The following CKAP2 variants were observed in gnomAD, a reference collection of about 807,000 sequenced individuals.
CKAP2 encodes the protein cytoskeleton associated protein 2.
CKAP2 carries 46 observed loss-of-function variants against 58.4 expected under a neutral mutation model. The observed-to-expected ratio is 0.79, with a 90% CI of 0.62 to 1.01. The LOEUF (loss-of-function observed/expected upper bound fraction) is 1.01, where lower values mean the gene tolerates loss of function less well. CKAP2 is among the 50% of genes least tolerant of loss of function. The pLI is 0.00. For missense variants in CKAP2, 809 were observed against 796.4 expected, an observed-to-expected ratio of 1.02 and a Z score of -0.19; for synonymous variants, 293 against 280.9, an observed-to-expected ratio of 1.04 and a Z score of -0.43.
At chr13:52,467,566 G>A (rs1958698358) in intron 6 of CKAP2, among the ~76,000 whole-genome samples, 1 of 152,012 alleles carries the variant, frequency 6.6e-6, no homozygotes, top group South Asian at 2.1e-4. Flanking sequence ...AAAATTAGCT[G>A]GGCATGGTGG....
chr13:52,461,136 C>G lies in CKAP2; in HGVS notation c.310C>G (p.Pro104Ala), dbSNP rs1958567828. 2 of 1,612,722 alleles carry G rather than the reference C, an allele frequency of 1.2e-6. No homozygotes were observed. Among genetic ancestry groups the G allele is most frequent in the Non-Finnish European group, 1.7e-6 (2 of 1,179,632 alleles). ...VVGKHCIPLK[P>A]SNELTNSTVV... ...GGGGAAACATTGTATTCCTTTAAAA[C>G]CTTCAAATGAACTAACCAATTCAAC... The change falls in exon 4 of 9, where the codon CCT becomes GCT. Residue 104 changes from proline (P) to alanine (A), a missense_variant. This residue lies in a region of CKAP2 where 523 missense variants were observed against 492.4 expected (regional missense o/e 1.06). Coordinates refer to ENST00000258607, the MANE Select transcript of CKAP2 (RefSeq NM_018204.5).
chr13:52,455,945 C>G, intron 1 of CKAP2: 1 of 1,137,266 alleles, frequency 8.8e-7, no homozygotes, highest in African/African-American at 1.7e-5. Flanking sequence ...CGCTTGGGGG[C>G]GGGGCTGCAC....
rs764785586 is a variant in CKAP2 at position 52,456,592 on chromosome 13, A to G, written c.140A>G (p.Asn47Ser). Reference sequence around the variant, plus strand: ...ACGCTTTTTGCATACAAGCAGGAAAATGAGATGTTATCCAGGTAAGGTCAA... The same window carrying G: ...ACGCTTTTTGCATACAAGCAGGAAAGTGAGATGTTATCCAGGTAAGGTCAA... Reference protein sequence around the residue: ...RKTLFAYKQENEMLSSRDQRV... With the variant: ...RKTLFAYKQESEMLSSRDQRV... The change falls in exon 2 of 9, where the codon AAT (asparagine) becomes AGT (serine). Residue 47 changes from asparagine (N) to serine (S), a missense_variant. This residue lies in a region of CKAP2 where 523 missense variants were observed against 492.4 expected (regional missense o/e 1.06). Transcript: ENST00000258607. 1 of 1,612,664 alleles carries G rather than the reference A, an allele frequency of 6.2e-7. No homozygotes were observed. The highest frequency in any genetic ancestry group is 1.1e-5 in the South Asian group (1 of 91,018).
At chr13:52,463,593 C>T (rs943497507) in intron 5 of CKAP2, among the ~76,000 whole-genome samples, 7 of 152,134 alleles carry the variant, frequency 4.6e-5, no homozygotes, top group Non-Finnish European at 8.8e-5. Context: ...AACAGCAGCA[C>T]GTTTTCAATC....
intron 8 of CKAP2, 121 bp downstream of exon 8, chr13:52,474,205 T>G: frequency 9.9e-7 from 1 of 1,013,398 alleles, no homozygotes; most frequent in Non-Finnish European, 1.4e-6. Context: ...GAAATTTCAG[T>G]ACGGGCATGG....
At chr13:52,458,330 G>T (rs61959681) in intron 2 of CKAP2, among the ~76,000 whole-genome samples, 5,472 of 152,068 alleles carry the variant, frequency 0.036, 125 homozygotes, top group South Asian at 0.07. Context: ...GAGGGGTTGG[G>T]GCTGGAAGCA....
chr13:52,465,494 A>C, intron 6 of CKAP2, 29 bp downstream of exon 6: 1 of 1,576,866 alleles, frequency 6.3e-7, no homozygotes, highest in Non-Finnish European at 8.7e-7. Flanking sequence ...GATCTTTACA[A>C]TTACAGTGTA....
Position 52,455,486 on chromosome 13 carries a change from C to A in CKAP2, c.-71C>A. The A allele has an allele frequency of 6.4e-7, 1 of 1,572,994 alleles. No individual in the cohort carries two copies. On this transcript the variant is annotated 5_prime_UTR_variant, in exon 1 of 9. Coordinates refer to ENST00000258607, the MANE Select transcript of CKAP2 (RefSeq NM_018204.5). ...GACGGCTTAGCCGCGGTGCAGACTG[C>A]GGCGGCGGTGGTCTGAGGAAGTTCT...
rs1427382776 is a variant in CKAP2, at chr13:52,475,142, G to A, written c.*1G>A. On this transcript the variant is annotated 3_prime_UTR_variant, in exon 9 of 9. Coordinates refer to ENST00000258607, the MANE Select transcript of CKAP2 (RefSeq NM_018204.5). Reference sequence around the variant, plus strand: ...GTACTATGAGGCTGATACAACATAAGAGAAATAAAGCTCTGTTAGGGAATG... The same window carrying A: ...GTACTATGAGGCTGATACAACATAAAAGAAATAAAGCTCTGTTAGGGAATG... 1 of 1,611,518 alleles carries A rather than the reference G, an allele frequency of 6.2e-7. No homozygotes were observed.
intron 6 of CKAP2, among the ~76,000 whole-genome samples, chr13:52,466,053 A>T (rs1287771691): frequency 6.6e-6 from 1 of 151,836 alleles, no homozygotes; most frequent in East Asian, 1.9e-4. Context: ...ACACACACAT[A>T]TATATATAAT....
At position 52,461,072 on chromosome 13, in the gene CKAP2, C is replaced by T; in HGVS notation, c.246C>T (p.Asn82=). 6.3e-7 allele frequency: 1 copy of T among 1,597,950 alleles called. No individual in the cohort carries two copies. The highest frequency in any genetic ancestry group is 8.5e-7 in the Non-Finnish European group (1 of 1,175,008). Residue 82 remains asparagine (N), a synonymous_variant, in exon 4 of 9, where the codon AAC becomes AAT. Transcript: ENST00000258607. ...AATTCTTTCAGGCTGATAAAGAAAA[C>T]ATGAAGAGACCTGCAGAGAGCAAAA... is the stretch of plus-strand genomic sequence containing the variant. ...KLKTKMADKE[N]MKRPAESKNN...
At chr13:52,470,177 C>T (rs887437576) in intron 7 of CKAP2, among the ~76,000 whole-genome samples, 30 of 151,356 alleles carry the variant, frequency 2.0e-4, no homozygotes, top group Non-Finnish European at 2.8e-4. Flanking sequence ...GCAATCTCGG[C>T]TCACTGCAAC....
Position 52,475,361 on chromosome 13 carries a change from T to C in CKAP2, c.*220T>C. The C allele has an allele frequency of 1.9e-6, 1 of 528,254 alleles. No homozygotes were observed. Among genetic ancestry groups the C allele is most frequent in the Non-Finnish European group, 3.2e-6 (1 of 315,536 alleles). The allele number at this position is 528,254 out of a possible 1,614,324, so 32.7% of individuals were successfully genotyped here. ...TTGTCAGTTTCAACCAACTGAGTTT[T>C]TTCTTTAAGAAAGGTAAATTTTGTC... is the stretch of plus-strand genomic sequence containing the variant. On this transcript the variant is annotated 3_prime_UTR_variant, in exon 9 of 9. Coordinates refer to ENST00000258607, the MANE Select transcript of CKAP2 (RefSeq NM_018204.5).
At chr13:52,473,299 A>T (rs143621118) in intron 7 of CKAP2, among the ~76,000 whole-genome samples, 16 of 151,814 alleles carry the variant, frequency 1.1e-4, no homozygotes, top group African/African-American at 3.6e-4. Flanking sequence ...TCTCTGGTGA[A>T]TTTTTTTTAC....
chr13:52,465,947 A>ACG (rs1491199485), intron 6 of CKAP2: 1 of 294,078 alleles, frequency 3.4e-6, no homozygotes, highest in African/African-American at 2.4e-5. Flanking sequence ...ATATATACAC[A>ACG]TATATATGCA....
chr13:52,457,878 T>C (rs1958512676), intron 2 of CKAP2, among the ~76,000 whole-genome samples: 1 of 150,718 alleles, frequency 6.6e-6, no homozygotes, highest in Non-Finnish European at 1.5e-5. Context: ...TTGTCTCAGG[T>C]AAACAAAATT....
In CKAP2 at chr13:52,460,975, G is replaced by A; in HGVS notation, c.231+1G>A. On this transcript the variant is annotated splice_donor_variant, in intron 3 of 8. Coordinates refer to ENST00000258607, the MANE Select transcript of CKAP2 (RefSeq NM_018204.5). LOFTEE classifies it high-confidence loss of function. ...AGTGCTGAAACTTAAAACAAAAATG[G>A]TAAGATGTGGACATAGCACTCTTAA... 6.2e-7 allele frequency: 1 copy of A among 1,613,488 alleles called. No individual in the cohort carries two copies. Among genetic ancestry groups the A allele is most frequent in the Non-Finnish European group, 8.5e-7 (1 of 1,179,860 alleles).
chr13:52,464,035 T>C (rs1958625184), intron 5 of CKAP2, among the ~76,000 whole-genome samples: 1 of 152,224 alleles, frequency 6.6e-6, no homozygotes. Context: ...AATTGGGTTT[T>C]TTTACTGAAT....
chr13:52,455,936 G>A (rs899643765), intron 1 of CKAP2: 2 of 1,152,358 alleles, frequency 1.7e-6, no homozygotes, highest in Non-Finnish European at 2.1e-6. Flanking sequence ...CCCTGGGTCC[G>A]CTTGGGGGCG....
Sources: allele counts gnomAD v4.1 joint callset (sites outside exome capture counted in the v4.1 genomes callset), GRCh38; gene constraint gnomAD v4.1.1; regional missense constraint gnomAD v4.1.1; transcripts MANE v1.5; gene names NCBI Gene and HGNC (gene_info 2026-07-23, HGNC 2026-07-21).